Variants in ABLIM2 observed in about 807,000 individuals in gnomAD.
The protein encoded by ABLIM2 is actin binding LIM protein family member 2, also known as actin-binding LIM protein 2.
In ABLIM2, 53 loss-of-function variants were observed where a neutral mutation model predicts 97.7. That is an observed-to-expected ratio of 0.54 (90% CI 0.44 to 0.68). The LOEUF (loss-of-function observed/expected upper bound fraction) is 0.68, where lower values mean the gene tolerates loss of function less well. Ranked by LOEUF, ABLIM2 falls within the 30% of genes least tolerant of loss-of-function variation. The pLI, the probability that ABLIM2 is intolerant of heterozygous loss-of-function variation, is 0.00. For synonymous variants in ABLIM2, 361 were observed against 345.8 expected (o/e 1.04, Z -0.49); for missense variants, 835 against 867.2 (o/e 0.96, Z 0.47).
chr4:8,081,622 G>C (rs1037590969), intron 4 of ABLIM2, among the ~76,000 whole-genome samples: 4 of 149,300 alleles, frequency 2.7e-5, no homozygotes, highest in Non-Finnish European at 4.5e-5. Flanking sequence ...TGTGCATAGG[G>C]TGTGACTGTC....
Position 8,130,765 on chromosome 4 carries a change from A to G in ABLIM2, c.11-24128T>C, listed in dbSNP as rs946364161. The stretch of plus-strand genomic sequence containing the variant: ...AGAGACGGTCTGGGCAGAGAGCAGT[A>G]CAACAAGGACAGGAATACAAAATCG... On this transcript the variant is annotated intron_variant, in intron 1 of 20. Transcript: ENST00000447017. This position sits in a 1 kb window ranked among gnomAD's most constrained non-coding sequence, Gnocchi z 4.2. Among the ~76,000 whole-genome samples, 8 of 151,964 alleles carry G rather than the reference A, an allele frequency of 5.3e-5. No individual in the cohort carries two copies. The highest frequency in any genetic ancestry group is 1.9e-4 in the African/African-American group (8 of 41,238).
chr4:8,093,783 C>A (rs1830072423), intron 3 of ABLIM2, among the ~76,000 whole-genome samples: 1 of 152,178 alleles, frequency 6.6e-6, no homozygotes. Context: ...TTTAAGATTT[C>A]TTTTTAGCAC....
At chr4:8,035,001 C>T (rs1259126254) in intron 10 of ABLIM2, among the ~76,000 whole-genome samples, 2 of 41,852 alleles carry the variant, frequency 4.8e-5, no homozygotes, top group South Asian at 9.9e-4. Flanking sequence ...TAGGTCAGTG[C>T]GGGTGGGTGG....
chr4:8,127,669 G>A lies in ABLIM2; in HGVS notation c.11-21032C>T. The A allele has an allele frequency of 7.8e-7, 1 of 1,273,896 alleles. No homozygotes were observed. The highest frequency in any genetic ancestry group is 1.2e-5 in the South Asian group (1 of 80,190). The allele number at this position is 1,273,896 out of a possible 1,614,324, so 78.9% of individuals were successfully genotyped here. A position where few individuals can be genotyped will look rare whatever the true frequency, so the allele number is the denominator to read the frequency against. On this transcript the variant is annotated intron_variant, in intron 1 of 20. Coordinates refer to ENST00000447017, the MANE Select transcript of ABLIM2 (RefSeq NM_001130083.2). The surrounding 1 kb of genome is among the most constrained non-coding windows in gnomAD (Gnocchi z 7.3). ...GAGGATCGGGCAGGAGTGGACCGGG[G>A]AAGAGCCTCTGTGGCCCACAGGGCT...
At position 7,965,818 on chromosome 4, in the gene ABLIM2, C is replaced by G. The variant is rs1173568063; in HGVS notation, c.*1172G>C. ...CTCCATCCTATCTCCATCCTTCTCTCCCCAACAGCGTGTGGTTGTCTGTTT... is the reference window on the plus strand; with the variant it reads ...CTCCATCCTATCTCCATCCTTCTCTGCCCAACAGCGTGTGGTTGTCTGTTT... On this transcript the variant is annotated 3_prime_UTR_variant, in exon 21 of 21. Transcript: ENST00000447017. The G allele has an allele frequency of 6.6e-6, 1 of 152,280 alleles. No individual in the cohort carries two copies. The highest frequency in any genetic ancestry group is 1.9e-4 in the East Asian group (1 of 5,190). The allele number at this position is 152,280 out of a possible 1,614,324, so 9.4% of individuals were successfully genotyped here. A position where few individuals can be genotyped will look rare whatever the true frequency, so the allele number is the denominator to read the frequency against.
chr4:8,067,994 C>A lies in ABLIM2; in HGVS notation c.676-6940G>T, dbSNP rs73216479. On this transcript the variant is annotated intron_variant, in intron 6 of 20. Transcript: ENST00000447017. This position sits in a 1 kb window ranked among gnomAD's most constrained non-coding sequence, Gnocchi z 5.4. ...GAACCAGTGGGTCACAGGCGGCCAT[C>A]GATGGGCTGATGGAGTCAAAAATTA... Among the ~76,000 whole-genome samples, 4,054 of 152,266 alleles carry A rather than the reference C, an allele frequency of 0.027. 93 individuals carry two copies. The highest frequency in any genetic ancestry group is 0.042 in the Non-Finnish European group (2,859 of 68,020).
intron 20 of ABLIM2, among the ~76,000 whole-genome samples, chr4:7,971,912 G>A (rs1025162930): frequency 6.6e-6 from 1 of 152,004 alleles, no homozygotes; most frequent in Non-Finnish European, 1.5e-5. Flanking sequence ...CTCAGCCTGG[G>A]CCCCCAGGGC....
At chr4:8,098,651 G>A (rs1832909868) in intron 2 of ABLIM2, among the ~76,000 whole-genome samples, 1 of 152,158 alleles carries the variant, frequency 6.6e-6, no homozygotes, top group South Asian at 2.1e-4. Flanking sequence ...GAGCTGCCGG[G>A]ATTCGAATCC....
chr4:8,030,655 T>A (rs1044671510), intron 10 of ABLIM2, among the ~76,000 whole-genome samples: 3 of 152,152 alleles, frequency 2.0e-5, no homozygotes, highest in African/African-American at 7.2e-5. Flanking sequence ...CTGCTCCCTT[T>A]GGCGACTGTC....
intron 1 of ABLIM2, among the ~76,000 whole-genome samples, chr4:8,154,220 C>T (rs1359853876): frequency 6.6e-6 from 1 of 150,996 alleles, no homozygotes; most frequent in Non-Finnish European, 1.5e-5. Context: ...CCTCGGCCTC[C>T]CAAAGTGCTG....
At chr4:8,020,569 G>A in intron 12 of ABLIM2, 1 of 564,524 alleles carries the variant, frequency 1.8e-6, no homozygotes, top group Non-Finnish European at 3.2e-6. Context: ...GGGCTGGGCG[G>A]TGAACTAAGA....
intron 3 of ABLIM2, among the ~76,000 whole-genome samples, chr4:8,091,361 ATATTATATTACATATAATTAT>A (rs1827666503): frequency 4.2e-5 from 2 of 47,908 alleles, no homozygotes; most frequent in African/African-American, 8.1e-5. Flanking sequence ...AATTATATAT[ATATTATATTACATATAATTAT>A]ATTATATATA....
At position 7,986,187 on chromosome 4, in the gene ABLIM2, G is replaced by A. The variant is rs1305767366; in HGVS notation, c.1681-1294C>T. Among the ~76,000 whole-genome samples the A allele has an allele frequency of 6.6e-6, 1 of 152,256 alleles. No homozygotes were observed. Among genetic ancestry groups the A allele is most frequent in the Admixed American group, 6.5e-5 (1 of 15,292 alleles). On this transcript the variant is annotated intron_variant, in intron 17 of 20. Transcript: ENST00000447017. The surrounding 1 kb of genome is among the most constrained non-coding windows in gnomAD (Gnocchi z 4.3). Reference sequence around the variant, plus strand: ...AGCAGGGAGAGTTCTGCAGCCAAAGGAGAGACGGTATGCTCAGCCCAGCGG... The same window carrying A: ...AGCAGGGAGAGTTCTGCAGCCAAAGAAGAGACGGTATGCTCAGCCCAGCGG...
At chr4:8,091,948 ATAT>A (rs1279021506) in intron 3 of ABLIM2, among the ~76,000 whole-genome samples, 6 of 131,150 alleles carry the variant, frequency 4.6e-5, no homozygotes, top group South Asian at 2.2e-4. Flanking sequence ...TATATAATAC[ATAT>A]TATAATATAG....
chr4:8,079,517 T>C (rs1013694915), intron 5 of ABLIM2, among the ~76,000 whole-genome samples: 1 of 152,196 alleles, frequency 6.6e-6, no homozygotes, highest in Non-Finnish European at 1.5e-5. Context: ...TCCCTCACCC[T>C]GGGTGCAAGC....
chr4:7,997,974 C>T (rs1226654776), intron 16 of ABLIM2, among the ~76,000 whole-genome samples: 3 of 151,944 alleles, frequency 2.0e-5, no homozygotes, highest in Admixed American at 6.6e-5. Flanking sequence ...CTCCGCCTCC[C>T]GGGTTCAAGT....
At position 8,095,315 on chromosome 4, in the gene ABLIM2, G is replaced by A. The variant is rs1830978988; in HGVS notation, c.338+1784C>T. 6.6e-6 allele frequency among the ~76,000 whole-genome samples: 1 copy of A among 152,086 alleles called. No individual in the cohort carries two copies. Among genetic ancestry groups the A allele is most frequent in the South Asian group, 2.1e-4 (1 of 4,820 alleles). The stretch of plus-strand genomic sequence containing the variant: ...GACAGGGTCTTGCTATGTCACGCAG[G>A]CTGATCTTGAACTCCCAGCCTCAAG... On this transcript the variant is annotated intron_variant, in intron 3 of 20. Coordinates refer to ENST00000447017, the MANE Select transcript of ABLIM2 (RefSeq NM_001130083.2). This position sits in a 1 kb window ranked among gnomAD's most constrained non-coding sequence, Gnocchi z 4.7.
At chr4:8,110,830 G>A (rs937606365) in intron 1 of ABLIM2, among the ~76,000 whole-genome samples, 3 of 152,202 alleles carry the variant, frequency 2.0e-5, no homozygotes, top group Non-Finnish European at 2.9e-5. Flanking sequence ...TGGGGACGCC[G>A]CTGCCTCCAT....
At chr4:8,060,793 G>C (rs1802459553) in intron 7 of ABLIM2, among the ~76,000 whole-genome samples, 174 bp downstream of exon 7, 1 of 152,206 alleles carries the variant, frequency 6.6e-6, no homozygotes, top group Non-Finnish European at 1.5e-5. Flanking sequence ...AGGCTGACGA[G>C]GCTGGCCTGG....
Sources: allele counts gnomAD v4.1 joint callset (sites outside exome capture counted in the v4.1 genomes callset), GRCh38; gene constraint gnomAD v4.1.1; non-coding constraint Gnocchi (gnomAD v3.1); transcripts MANE v1.5; gene names NCBI Gene and HGNC (gene_info 2026-07-23, HGNC 2026-07-21).